Variants in DUSP16 observed in about 807,000 individuals in gnomAD.
The protein encoded by DUSP16 is dual specificity phosphatase 16.
Under a neutral mutation model 58.3 loss-of-function variants are expected in DUSP16, and 21 were observed. The ratio of observed to expected loss-of-function variants is 0.36; its 90% confidence interval spans 0.26 to 0.52. DUSP16 has a LOEUF of 0.52. Among genes scored for constraint, DUSP16 ranks in the 20% least tolerant of loss-of-function variants. The pLI is 0.94. For missense variants in DUSP16, 726 were observed against 819.0 expected, an observed-to-expected ratio of 0.89 and a Z score of 1.39; for synonymous variants, 320 against 323.8, an observed-to-expected ratio of 0.99 and a Z score of 0.12.
At chr12:12,489,520 C>T (rs1024540496) in intron 4 of DUSP16, among the ~76,000 whole-genome samples, 5 of 152,258 alleles carry the variant, frequency 3.3e-5, no homozygotes, top group African/African-American at 1.2e-4. Flanking sequence ...CATTTTTCTC[C>T]TTTCCACCAA....
chr12:12,513,173 T>G (rs778767216), intron 3 of DUSP16, among the ~76,000 whole-genome samples: 1 of 152,200 alleles, frequency 6.6e-6, no homozygotes, highest in Admixed American at 6.6e-5. Context: ...TAGCAAACAT[T>G]AATCGAAGAC....
intron 6 of DUSP16, among the ~76,000 whole-genome samples, chr12:12,479,860 C>A (rs1436374605): frequency 6.6e-6 from 1 of 152,202 alleles, no homozygotes; most frequent in African/African-American, 2.4e-5. Flanking sequence ...AGAGATTCTG[C>A]AGTGAGCATT....
chr12:12,546,504 T>C (rs1462938770), intron 1 of DUSP16, among the ~76,000 whole-genome samples: 1 of 152,236 alleles, frequency 6.6e-6, no homozygotes, highest in East Asian at 1.9e-4. Context: ...AGTCCTTCCA[T>C]TACCTCCGCT....
intron 5 of DUSP16, among the ~76,000 whole-genome samples, chr12:12,486,365 C>T (rs778594374): frequency 1.3e-5 from 2 of 152,110 alleles, no homozygotes; most frequent in Admixed American, 6.6e-5. Flanking sequence ...AATGCCTCAG[C>T]AGTAAGTACC....
rs115090207 is a variant in DUSP16, at chr12:12,553,668, G to A, written c.-366+8449C>T. Among the ~76,000 whole-genome samples, 508 of 151,996 alleles carry A rather than the reference G, an allele frequency of 3.3e-3. 3 individuals carry two copies. Among genetic ancestry groups the A allele is most frequent in the Middle Eastern group, 0.01 (3 of 294 alleles). Reference sequence around the variant, plus strand: ...GGTGATCCTCCTACCTGAGCCCCACGAGTGGCTGGGACTACAGGTGTGCAC... The same window carrying A: ...GGTGATCCTCCTACCTGAGCCCCACAAGTGGCTGGGACTACAGGTGTGCAC... On this transcript the variant is annotated intron_variant, in intron 1 of 6. Transcript: ENST00000298573.
At chr12:12,521,903 A>T (rs1050874458) in intron 1 of DUSP16, among the ~76,000 whole-genome samples, 1 of 152,198 alleles carries the variant, frequency 6.6e-6, no homozygotes, top group Admixed American at 6.5e-5. Flanking sequence ...CAAAAAAAAA[A>T]ATATTTTCTG....
chr12:12,502,787 G>C (rs997408458), intron 3 of DUSP16, among the ~76,000 whole-genome samples: 1 of 152,022 alleles, frequency 6.6e-6, no homozygotes, highest in Non-Finnish European at 1.5e-5. Flanking sequence ...CTGACCTCAG[G>C]TGATCCACCT....
At chr12:12,517,269 GTCTT>G (rs1488532034) in intron 3 of DUSP16, among the ~76,000 whole-genome samples, 1 of 152,180 alleles carries the variant, frequency 6.6e-6, no homozygotes, top group Non-Finnish European at 1.5e-5. Context: ...AAACCACTTT[GTCTT>G]TCTATTACCA....
intron 5 of DUSP16, among the ~76,000 whole-genome samples, chr12:12,486,562 G>C (rs573899614): frequency 9.2e-5 from 14 of 151,736 alleles, no homozygotes; most frequent in African/African-American, 3.4e-4. Flanking sequence ...ATTGGCATGT[G>C]GACCCCGGCT....
intron 3 of DUSP16, among the ~76,000 whole-genome samples, chr12:12,506,821 T>A (rs1211719110): frequency 6.6e-6 from 1 of 152,222 alleles, no homozygotes; most frequent in African/African-American, 2.4e-5. Flanking sequence ...TTTCTGTTAG[T>A]CTTCCATAAA....
In DUSP16 at chr12:12,487,175, G is replaced by C; in HGVS notation, c.544C>G (p.Gln182Glu). 6.2e-7 allele frequency: 1 copy of C among 1,613,978 alleles called. No individual in the cohort carries two copies. The highest frequency in any genetic ancestry group is 8.5e-7 in the Non-Finnish European group (1 of 1,179,910). The change falls in exon 5 of 7, where the codon CAG becomes GAG. Residue 182 changes from glutamine (Q) to glutamate (E), a missense_variant. Coordinates refer to ENST00000298573, the MANE Select transcript of DUSP16 (RefSeq NM_030640.3). ...RDVLNKELMQ[Q>E]NGIGYVLNAS... ...TTTAACACATAACCAATCCCATTCT[G>C]CTGCATCAGCTCCTATGGAGAGAAA...
intron 1 of DUSP16, among the ~76,000 whole-genome samples, chr12:12,529,597 T>C (rs1944356526): frequency 6.6e-6 from 1 of 152,200 alleles, no homozygotes; most frequent in Admixed American, 6.5e-5. Context: ...TATATCCTCG[T>C]TAACTGTGGT....
At chr12:12,528,398 G>A (rs559960728) in intron 1 of DUSP16, among the ~76,000 whole-genome samples, 11 of 152,162 alleles carry the variant, frequency 7.2e-5, no homozygotes, top group Non-Finnish European at 1.2e-4. Context: ...GAGGAAATAC[G>A]GCCAGGGATT....
At chr12:12,514,603 C>T (rs531341628) in intron 3 of DUSP16, among the ~76,000 whole-genome samples, 1 of 152,164 alleles carries the variant, frequency 6.6e-6, no homozygotes, top group African/African-American at 2.4e-5. Flanking sequence ...GGAGAAAAAA[C>T]AAGAACAGGC....
chr12:12,502,550 ATTT>A (rs58116968), intron 3 of DUSP16, among the ~76,000 whole-genome samples: 2 of 130,896 alleles, frequency 1.5e-5, no homozygotes. Context: ...TCATGGTTTC[ATTT>A]TTTTTTTTTT....
At chr12:12,486,481 A>AGTGTGTGTGTGTGTGT (rs56941943) in intron 5 of DUSP16, among the ~76,000 whole-genome samples, 9 of 147,372 alleles carry the variant, frequency 6.1e-5, no homozygotes, top group South Asian at 4.3e-4. Context: ...ACCAAATGAG[A>AGTGTGTGTGTGTGTGT]GTGTGTGTGT....
chr12:12,551,435 C>G (rs1944724443), intron 1 of DUSP16, among the ~76,000 whole-genome samples: 1 of 148,208 alleles, frequency 6.7e-6, no homozygotes, highest in Non-Finnish European at 1.5e-5. Flanking sequence ...TGTACTCTAG[C>G]CTGGGCGACA....
rs1943446850 is a variant in DUSP16 at position 12,476,791 on chromosome 12, A to T, written c.*42T>A. ...TTTACAGGGAATTTTTTTGTGAACA[A>T]GAAAAAAAAATTGTCTATAGAAGTC... On this transcript the variant is annotated 3_prime_UTR_variant, in exon 7 of 7. Coordinates refer to ENST00000298573, the MANE Select transcript of DUSP16 (RefSeq NM_030640.3). The T allele has an allele frequency of 1.3e-6, 2 of 1,509,482 alleles. No homozygotes were observed. The highest frequency in any genetic ancestry group is 2.2e-5 in the Admixed American group (1 of 44,912). 93.5% of individuals were successfully genotyped at this position (1,509,482 alleles called of 1,614,324 possible). A position where few individuals can be genotyped will look rare whatever the true frequency, so the allele number is the denominator to read the frequency against.
chr12:12,525,276 T>C (rs1015847949), intron 1 of DUSP16, among the ~76,000 whole-genome samples: 1 of 148,916 alleles, frequency 6.7e-6, no homozygotes, highest in African/African-American at 2.4e-5. Context: ...TAGAAATTCT[T>C]TTTTTTTTTT....
Sources: allele counts gnomAD v4.1 joint callset (sites outside exome capture counted in the v4.1 genomes callset), GRCh38; gene constraint gnomAD v4.1.1; transcripts MANE v1.5; gene names NCBI Gene and HGNC (gene_info 2026-07-23, HGNC 2026-07-21).